Variants in ZBBX observed in about 807,000 individuals in gnomAD.
ZBBX encodes the protein zinc finger B-box domain-containing protein 1.
ZBBX carries 101 observed loss-of-function variants against 108.5 expected under a neutral mutation model. That is an observed-to-expected ratio of 0.93 (90% confidence interval 0.79 to 1.10). The LOEUF (loss-of-function observed/expected upper bound fraction) is 1.10, where lower values mean the gene tolerates loss of function less well. Ranked by LOEUF, ZBBX falls within the 50% of genes least tolerant of loss-of-function variation. The pLI is 0.00. For synonymous variants in ZBBX, 356 were observed against 323.4 expected, an observed-to-expected ratio of 1.10 and a Z score of -1.08; for missense variants, 1,009 against 941.4, an observed-to-expected ratio of 1.07 and a Z score of -0.94.
chr3:167,254,889 A>AGAGG (rs1723212338), intron 20 of ZBBX, among the ~76,000 whole-genome samples: 1 of 150,340 alleles, frequency 6.7e-6, no homozygotes, highest in African/African-American at 2.4e-5. Flanking sequence ...TGTGTGTGTG[A>AGAGG]GAGAGAGAGA....
At position 167,340,798 on chromosome 3, in the gene ZBBX, GA is replaced by G. The variant is rs1235373620; in HGVS notation, c.529-6814del. The stretch of plus-strand genomic sequence containing the variant: ...TTGTATATAGAAGACAACTGGAAAA[GA>G]AAAAAAAATTTGAGGAAAAGCCCCC... On this transcript the variant is annotated intron_variant, in intron 9 of 21. Coordinates refer to ENST00000675490, the MANE Select transcript of ZBBX (RefSeq NM_001199201.2). Among the ~76,000 whole-genome samples the G allele has an allele frequency of 3.3e-5, 5 of 150,572 alleles. No homozygotes were observed. In the East Asian group the frequency reaches 5.8e-4, roughly 18 times the overall value.
the ZBBX span, among the ~76,000 whole-genome samples, chr3:167,212,431 C>T: frequency 6.6e-6 from 1 of 152,152 alleles, no homozygotes; most frequent in African/African-American, 2.4e-5. Context: ...AGTGGAACTG[C>T]CCTTGCCATC....
chr3:167,265,486 C>G (rs944193431), intron 20 of ZBBX, among the ~76,000 whole-genome samples: 5 of 152,166 alleles, frequency 3.3e-5, no homozygotes, highest in African/African-American at 9.7e-5. Flanking sequence ...ACTCTTCACT[C>G]TCTTTCATTA....
intron 19 of ZBBX, among the ~76,000 whole-genome samples, chr3:167,288,635 A>G (rs544097463): frequency 1.3e-5 from 2 of 152,338 alleles, no homozygotes; most frequent in South Asian, 4.1e-4. Context: ...TTCCTAATAC[A>G]TTGTTATAGA....
intron 19 of ZBBX, among the ~76,000 whole-genome samples, chr3:167,285,424 A>G (rs1048034669): frequency 5.9e-5 from 9 of 152,140 alleles, no homozygotes; most frequent in African/African-American, 1.9e-4. Flanking sequence ...ATTGACATTC[A>G]TGTTTCACTG....
chr3:167,316,996 TG>T lies in ZBBX; in HGVS notation c.1194+8del. On this transcript the variant is annotated splice_region_variant and intron_variant, in intron 14 of 21. Transcript: ENST00000675490. ...ATCATGAATGGTCATTATGCACTTA[TG>T]CACTTACATCATCCAGTTCGACTAT... 6.5e-7 allele frequency: 1 copy of T among 1,530,284 alleles called. No individual in the cohort carries two copies. Among genetic ancestry groups the T allele is most frequent in the Admixed American group, 1.8e-5 (1 of 56,850 alleles). 94.8% of individuals were successfully genotyped at this position (1,530,284 alleles called of 1,614,324 possible).
the ZBBX span, among the ~76,000 whole-genome samples, chr3:167,233,444 A>C: frequency 6.6e-6 from 1 of 151,770 alleles, no homozygotes; most frequent in Non-Finnish European, 1.5e-5. Context: ...GAGTGAACAA[A>C]AGGTAGAAAT....
chr3:167,406,536 T>C (rs928670968), intron 1 of ZBBX, among the ~76,000 whole-genome samples: 3 of 152,110 alleles, frequency 2.0e-5, no homozygotes, highest in Non-Finnish European at 4.4e-5. Context: ...CTTGGCAACA[T>C]GGCAAAACCC....
intron 4 of ZBBX, among the ~76,000 whole-genome samples, chr3:167,370,976 T>G (rs1402571687): frequency 6.6e-6 from 1 of 152,104 alleles, no homozygotes; most frequent in Non-Finnish European, 1.5e-5. Flanking sequence ...TGAAATGGTT[T>G]AGGGGCTGAG....
intron 17 of ZBBX, among the ~76,000 whole-genome samples, chr3:167,301,372 G>A (rs903974736): frequency 6.6e-6 from 1 of 152,172 alleles, no homozygotes; most frequent in Non-Finnish European, 1.5e-5. Context: ...AAAGTGGATT[G>A]GATAAATAGG....
intron 10 of ZBBX, among the ~76,000 whole-genome samples, chr3:167,328,443 C>T (rs985243736): frequency 2.0e-5 from 3 of 151,802 alleles, no homozygotes; most frequent in Non-Finnish European, 4.4e-5. Context: ...CTCCCTACGC[C>T]TCCAATCTCC....
At chr3:167,289,042 T>G (rs1730205410) in intron 18 of ZBBX, 59 bp from the exon 19 acceptor site, 1 of 1,210,598 alleles carries the variant, frequency 8.3e-7, no homozygotes, top group African/African-American at 1.5e-5. Flanking sequence ...TCCATTTTAT[T>G]AGTTTTATAT....
chr3:167,373,056 A>C (rs1325012133), intron 3 of ZBBX, 106 bp from the exon 4 acceptor site: 2 of 527,770 alleles, frequency 3.8e-6, no homozygotes, highest in African/African-American at 3.9e-5. Flanking sequence ...CCTTATGAGC[A>C]AAAAGGCTGA....
chr3:167,328,756 A>G (rs949540116), intron 10 of ZBBX, among the ~76,000 whole-genome samples: 1 of 152,108 alleles, frequency 6.6e-6, no homozygotes, highest in Non-Finnish European at 1.5e-5. Flanking sequence ...AGCCTTCTCC[A>G]TATCTTTACA....
chr3:167,399,080 C>T (rs372590473), intron 1 of ZBBX, among the ~76,000 whole-genome samples: 8 of 150,570 alleles, frequency 5.3e-5, no homozygotes, highest in African/African-American at 7.3e-5. Flanking sequence ...AGGCTCTCAC[C>T]GGATGCAGAC....
intron 6 of ZBBX, among the ~76,000 whole-genome samples, chr3:167,362,148 T>C (rs1249825620): frequency 6.6e-6 from 1 of 152,120 alleles, no homozygotes; most frequent in African/African-American, 2.4e-5. Context: ...TACACATATA[T>C]GCGCATGTAC....
At chr3:167,219,012 CAAA>C in the ZBBX span, among the ~76,000 whole-genome samples, 1 of 151,362 alleles carries the variant, frequency 6.6e-6, no homozygotes, top group African/African-American at 2.4e-5. Flanking sequence ...GATTTCAAAA[CAAA>C]AACTGTAAAA....
chr3:167,328,393 A>G (rs1246774717), intron 10 of ZBBX, among the ~76,000 whole-genome samples: 3 of 152,126 alleles, frequency 2.0e-5, no homozygotes, highest in South Asian at 2.1e-4. Flanking sequence ...GCTGTTCACC[A>G]GTGTTCTCTC....
intron 12 of ZBBX, 135 bp downstream of exon 12, chr3:167,321,982 A>C (rs1028559957): frequency 8.4e-6 from 4 of 477,458 alleles, no homozygotes; most frequent in Non-Finnish European, 1.3e-5. Context: ...CTTCACAGGG[A>C]TTTAATCTTG....
Sources: gnomAD v4.1 joint callset for allele counts (sites outside exome capture counted in the v4.1 genomes callset) on GRCh38, gnomAD v4.1.1 for gene constraint, MANE v1.5 for transcripts, NCBI Gene and HGNC (gene_info 2026-07-23, HGNC 2026-07-21) for gene names.